ABCG2: variants seen among roughly 807,000 people sequenced by gnomAD.
ABCG2 encodes ATP binding cassette subfamily G member 2 (JR blood group).
ABCG2 carries 80 observed loss-of-function variants against 73.5 expected under a neutral mutation model. That is an observed-to-expected ratio of 1.09 (90% CI 0.91 to 1.31). The LOEUF is 1.31. ABCG2 is among the 50% of genes most tolerant of loss of function. The probability of loss-of-function intolerance (pLI) is 0.00; values close to 1 mark genes in which losing one functional copy is unlikely to be tolerated. For synonymous variants in ABCG2, 269 were observed against 282.4 expected (o/e 0.95, Z 0.48); for missense variants, 796 against 786.2 (o/e 1.01, Z -0.15).
intron 11 of ABCG2, among the ~76,000 whole-genome samples, chr4:88,099,839 T>C (rs1427713461): frequency 6.6e-6 from 1 of 152,168 alleles, no homozygotes; most frequent in Non-Finnish European, 1.5e-5. Context: ...AATAGAAGCT[T>C]TTCTTTTTCC....
intron 1 of ABCG2, among the ~76,000 whole-genome samples, chr4:88,213,875 G>A (rs1414778767): frequency 6.6e-6 from 1 of 151,152 alleles, no homozygotes; most frequent in East Asian, 1.9e-4. Flanking sequence ...TAGAGATGGG[G>A]TTTCACCATG....
intron 1 of ABCG2, among the ~76,000 whole-genome samples, chr4:88,149,058 T>C (rs749863058): frequency 1.3e-5 from 2 of 152,026 alleles, no homozygotes; most frequent in Non-Finnish European, 1.5e-5. Flanking sequence ...AAAAATAAAA[T>C]TGAAAAATTA....
intron 1 of ABCG2, among the ~76,000 whole-genome samples, chr4:88,207,775 G>A (rs1249950151): frequency 4.6e-5 from 7 of 152,070 alleles, no homozygotes; most frequent in Non-Finnish European, 8.8e-5. Context: ...GAACTCCTGA[G>A]CTCAAACAGT....
chr4:88,117,337 C>A (rs141193538), intron 7 of ABCG2, among the ~76,000 whole-genome samples: 1 of 148,370 alleles, frequency 6.7e-6, no homozygotes. Flanking sequence ...AAAAAAAAAA[C>A]CTTAAATAAA....
At chr4:88,188,564 T>C (rs930257128) in intron 1 of ABCG2, among the ~76,000 whole-genome samples, 1 of 152,208 alleles carries the variant, frequency 6.6e-6, no homozygotes, top group African/African-American at 2.4e-5. Context: ...TCCAAGTTTA[T>C]TCTTTTTCAA....
At chr4:88,115,256 C>CTCTCTCTCTCTCTCTCTCTCTA (rs1309360818) in intron 7 of ABCG2, among the ~76,000 whole-genome samples, 198 bp from the exon 8 acceptor site, 81 of 69,850 alleles carry the variant, frequency 1.2e-3, no homozygotes, top group Middle Eastern at 0.014. Context: ...CTCTCTCTCT[C>CTCTCTCTCTCTCTCTCTCTCTA]TATATATATA....
intron 1 of ABCG2, among the ~76,000 whole-genome samples, chr4:88,180,756 A>G (rs1728203069): frequency 6.6e-6 from 1 of 152,110 alleles, no homozygotes; most frequent in Non-Finnish European, 1.5e-5. Flanking sequence ...CTGTCTCAAA[A>G]TAAAAGGTAT....
chr4:88,146,212 T>G (rs957345109), intron 1 of ABCG2, among the ~76,000 whole-genome samples: 1 of 152,066 alleles, frequency 6.6e-6, no homozygotes, highest in African/African-American at 2.4e-5. Flanking sequence ...TTTTCTTAAA[T>G]GTTACTTTAG....
At chr4:88,156,392 A>AAAG (rs1726947168) in intron 1 of ABCG2, among the ~76,000 whole-genome samples, 1 of 149,890 alleles carries the variant, frequency 6.7e-6, no homozygotes, top group Non-Finnish European at 1.5e-5. Flanking sequence ...AAAAAAAAAA[A>AAAG]GAAGGAAAAA....
chr4:88,211,878 C>G (rs1729614975), intron 1 of ABCG2, among the ~76,000 whole-genome samples: 1 of 152,182 alleles, frequency 6.6e-6, no homozygotes, highest in Admixed American at 6.5e-5. Context: ...TCTCAAGCCT[C>G]TCTTCCAGAT....
intron 10 of ABCG2, among the ~76,000 whole-genome samples, chr4:88,106,296 C>A (rs1356284078): frequency 3.3e-5 from 5 of 152,080 alleles, no homozygotes; most frequent in African/African-American, 1.2e-4. Flanking sequence ...TGCCACCACA[C>A]CTGGCTGAAA....
At chr4:88,167,562 C>T (rs949099634) in intron 1 of ABCG2, among the ~76,000 whole-genome samples, 4 of 151,788 alleles carry the variant, frequency 2.6e-5, no homozygotes, top group Admixed American at 1.3e-4. Flanking sequence ...TTAGTAGAGA[C>T]GGGGGTTTCA....
intron 1 of ABCG2, among the ~76,000 whole-genome samples, chr4:88,197,201 A>C (rs1373844209): frequency 1.3e-5 from 2 of 151,958 alleles, no homozygotes; most frequent in East Asian, 1.9e-4. Context: ...CAACAACAAA[A>C]AAAAAAAAAC....
intron 1 of ABCG2, among the ~76,000 whole-genome samples, chr4:88,168,570 A>C (rs1188915724): frequency 6.6e-6 from 1 of 152,144 alleles, no homozygotes. Context: ...GAAAAAAAAA[A>C]AACTACGTAT....
chr4:88,202,354 T>TTATATATATATATATATATATA (rs57530549), intron 1 of ABCG2, among the ~76,000 whole-genome samples: 3 of 62,074 alleles, frequency 4.8e-5, no homozygotes, highest in South Asian at 8.1e-4. Context: ...CTACAATTAT[T>TTATATATATATATATATATATA]TATATATATA....
intron 1 of ABCG2, among the ~76,000 whole-genome samples, chr4:88,226,575 G>A (rs908685548): frequency 6.6e-6 from 1 of 152,162 alleles, no homozygotes; most frequent in East Asian, 1.9e-4. Flanking sequence ...ACACTATGAG[G>A]TAGGTAGTAT....
chr4:88,109,297 C>A (rs1722972293), intron 9 of ABCG2, among the ~76,000 whole-genome samples: 1 of 152,120 alleles, frequency 6.6e-6, no homozygotes, highest in South Asian at 2.1e-4. Context: ...CATGCCCGGC[C>A]CAGACTTTTC....
intron 1 of ABCG2, among the ~76,000 whole-genome samples, chr4:88,213,837 C>T (rs1176939314): frequency 9.9e-5 from 15 of 151,880 alleles, no homozygotes; most frequent in Admixed American, 9.2e-4. Flanking sequence ...CACCTGCCAC[C>T]GTGCCCAGCT....
intron 5 of ABCG2, among the ~76,000 whole-genome samples, chr4:88,130,415 T>C (rs1724767972): frequency 6.6e-6 from 1 of 151,946 alleles, no homozygotes; most frequent in African/African-American, 2.4e-5. Flanking sequence ...GAAAACAAGC[T>C]TAGGGCTCCC....
Sources: allele counts gnomAD v4.1 joint callset (sites outside exome capture counted in the v4.1 genomes callset), GRCh38; gene constraint gnomAD v4.1.1; transcripts MANE v1.5; gene names NCBI Gene and HGNC (gene_info 2026-07-23, HGNC 2026-07-21).